FAM53A: variants seen among roughly 807,000 people sequenced by gnomAD.
The protein encoded by FAM53A is protein FAM53A.
Under a neutral mutation model 26.6 loss-of-function variants are expected in FAM53A, and 28 were observed. The observed-to-expected ratio is 1.05, with a 90% CI of 0.78 to 1.45. The LOEUF (loss-of-function observed/expected upper bound fraction) is 1.45. FAM53A is among the 40% of genes most tolerant of loss of function. FAM53A has a pLI of 0.00. For missense variants in FAM53A, 650 were observed against 575.8 expected, an observed-to-expected ratio of 1.13 and a Z score of -1.32; for synonymous variants, 290 against 253.1, an observed-to-expected ratio of 1.15 and a Z score of -1.38.
intron 1 of FAM53A, among the ~76,000 whole-genome samples, chr4:1,621,583 G>C (rs1338841220): frequency 6.6e-6 from 1 of 152,162 alleles, no homozygotes; most frequent in Non-Finnish European, 1.5e-5. Flanking sequence ...CTCCACAGCG[G>C]GGAGCGAAGA....
chr4:1,622,175 G>T (rs1046449195), intron 1 of FAM53A, among the ~76,000 whole-genome samples: 1 of 152,138 alleles, frequency 6.6e-6, no homozygotes. Context: ...ACCCAGACAC[G>T]GTGCCGTTAC....
Position 1,654,991 on chromosome 4 carries a change from AG to A in FAM53A, c.868del (p.Leu290Ter), listed in dbSNP as rs754661754. 20 of 1,521,076 alleles carry A rather than the reference AG, an allele frequency of 1.3e-5. 1 individual carries two copies. Among genetic ancestry groups the A allele is most frequent in the South Asian group, 7.8e-5 (6 of 77,238 alleles). 94.2% of individuals were successfully genotyped at this position (1,521,076 alleles called of 1,614,324 possible). On this transcript the variant is annotated frameshift_variant, in exon 4 of 5. Transcript: ENST00000308132. LOFTEE classifies it low-confidence loss of function (END_TRUNC). ...AGAAAGCCTCACCTGGGTCATTTTC[AG>A]GAAGTCCAAGGATGGGCGTGTCCAC... ...ARWTRPSLDFLKMTQTLKNSK... is the reference protein window; with the variant it reads ...ARWTRPSLDFXKMTQTLKNSK...
rs370895092 is a variant in FAM53A at position 1,655,430 on chromosome 4, C to A, written c.430G>T (p.Val144Phe). Residue 144 changes from valine to phenylalanine, a missense_variant, in exon 4 of 5, where the codon GTC (valine) becomes TTC (phenylalanine). By Grantham distance (50) the Val-to-Phe change is conservative (BLOSUM62 -1). Transcript: ENST00000308132. ...CGCCTCTTGGAGACTGGAGTCCAGA[C>A]CTTGGAGCTGCCGGGGCGCCAGGGG... Reference protein sequence around the residue: ...RSPWRPGSSKVWTPVSKRRCD... With the variant: ...RSPWRPGSSKFWTPVSKRRCD... 2.7e-5 allele frequency: 41 copies of A among 1,510,792 alleles called. 1 individual carries two copies. Among genetic ancestry groups the A allele is most frequent in the Non-Finnish European group, 3.5e-5 (40 of 1,129,994 alleles). 93.6% of individuals were successfully genotyped at this position (1,510,792 alleles called of 1,614,324 possible).
In FAM53A at chr4:1,655,441, C is replaced by A; in HGVS notation, c.419G>T (p.Gly140Val). 1 of 1,521,444 alleles carries A rather than the reference C, an allele frequency of 6.6e-7. No homozygotes were observed. Among genetic ancestry groups the A allele is most frequent in the Non-Finnish European group, 8.8e-7 (1 of 1,134,666 alleles). 94.2% of individuals were successfully genotyped at this position (1,521,444 alleles called of 1,614,324 possible). ...GACTGGAGTCCAGACCTTGGAGCTG[C>A]CGGGGCGCCAGGGGGACCGGCAGCG... ...LVRCRSPWRP[G>V]SSKVWTPVSK... is the part of the protein sequence containing the mutation. The change falls in exon 4 of 5, where the codon GGC becomes GTC. Residue 140 changes from glycine to valine, a missense_variant. Physicochemically the swap from Gly to Val is moderately radical, Grantham distance 109. Coordinates refer to ENST00000308132, the MANE Select transcript of FAM53A (RefSeq NM_001174070.3).
intron 1 of FAM53A, among the ~76,000 whole-genome samples, chr4:1,671,324 G>C (rs373646291): frequency 1.3e-4 from 18 of 141,302 alleles, no homozygotes; most frequent in Non-Finnish European, 1.9e-4. Flanking sequence ...CTCTGTCCCA[G>C]CGTCAGAGCC....
At chr4:1,607,416 C>A in the FAM53A span, among the ~76,000 whole-genome samples, 2 of 151,946 alleles carry the variant, frequency 1.3e-5, no homozygotes. Context: ...TACACAAAAG[C>A]AGTGAGACCT....
intron 1 of FAM53A, among the ~76,000 whole-genome samples, chr4:1,678,838 G>C (rs1214366110): frequency 6.6e-6 from 1 of 151,990 alleles, no homozygotes; most frequent in Non-Finnish European, 1.5e-5. Context: ...AAGACATGGA[G>C]TGTATGGACC....
At chr4:1,603,721 A>T in the FAM53A span, among the ~76,000 whole-genome samples, 3 of 152,168 alleles carry the variant, frequency 2.0e-5, no homozygotes, top group South Asian at 4.1e-4. Flanking sequence ...CAGCTTGAAG[A>T]GCCCCTCGGG....
Position 1,640,090 on chromosome 4 carries a change from T to TGGGTGCTGAC in FAM53A, c.*1193_*1202dup, listed in dbSNP as rs1711539115. 2.6e-5 allele frequency: 4 copies of TGGGTGCTGAC among 152,630 alleles called. No individual in the cohort carries two copies. Among genetic ancestry groups the TGGGTGCTGAC allele is most frequent in the African/African-American group, 9.7e-5 (4 of 41,422 alleles). 9.5% of individuals were successfully genotyped at this position (152,630 alleles called of 1,614,324 possible). A position where few individuals can be genotyped will look rare whatever the true frequency, so the allele number is the denominator to read the frequency against. ...AAGGCCTTGTATTAAATTCACAGAG[T>TGGGTGCTGAC]GGGTGCTGACGGGTGCTGCCGGCAG... On this transcript the variant is annotated 3_prime_UTR_variant, in exon 5 of 5. Transcript: ENST00000308132.
chr4:1,622,854 G>A (rs1458010914), intron 1 of FAM53A, among the ~76,000 whole-genome samples: 6 of 152,186 alleles, frequency 3.9e-5, no homozygotes, highest in African/African-American at 1.4e-4. Context: ...CTGCCTCGAG[G>A]GGCCCCTGCC....
chr4:1,589,865 C>T, the FAM53A span, among the ~76,000 whole-genome samples: 1 of 152,090 alleles, frequency 6.6e-6, no homozygotes, highest in Admixed American at 6.5e-5. Context: ...TCTTCTCTGA[C>T]TTTTTAATGT....
downstream of FAM53A, among the ~76,000 whole-genome samples, chr4:1,615,154 C>T (rs1469392804): frequency 1.3e-5 from 2 of 150,842 alleles, no homozygotes; most frequent in East Asian, 3.9e-4. Context: ...CACCTGGGTA[C>T]ACACGGAAGA....
chr4:1,601,233 C>CCGGGGGAGAT, the FAM53A span, among the ~76,000 whole-genome samples: 3 of 87,428 alleles, frequency 3.4e-5, no homozygotes, highest in African/African-American at 7.1e-5. Flanking sequence ...CGCAACAGGT[C>CCGGGGGAGAT]GGACACCCAC....
At chr4:1,685,783 C>T (rs756823481), upstream of FAM53A, among the ~76,000 whole-genome samples, 1 of 152,134 alleles carries the variant, frequency 6.6e-6, no homozygotes, top group Non-Finnish European at 1.5e-5. Flanking sequence ...GGCCAGGTTA[C>T]CCAAAGACAA....
chr4:1,684,524 C>T (rs1332512364), upstream of FAM53A, among the ~76,000 whole-genome samples: 2 of 151,432 alleles, frequency 1.3e-5, no homozygotes, highest in Non-Finnish European at 2.9e-5. Context: ...GGGTCTGGCC[C>T]CGCCCCCGGA....
At chr4:1,661,444 C>T (rs1713827032) in intron 2 of FAM53A, among the ~76,000 whole-genome samples, 1 of 152,152 alleles carries the variant, frequency 6.6e-6, no homozygotes, top group Non-Finnish European at 1.5e-5. Context: ...CACCATATTG[C>T]TAACCCAGCA....
chr4:1,644,639 C>T (rs372155429), intron 4 of FAM53A: 100 of 368,806 alleles, frequency 2.7e-4, no homozygotes, highest in African/African-American at 2.0e-3. Flanking sequence ...ATGGTCACTT[C>T]CATCTGAGGT....
At chr4:1,655,751 G>C (rs1007883561) in intron 3 of FAM53A, 28 bp from the exon 4 acceptor site, 9 of 1,511,158 alleles carry the variant, frequency 6.0e-6, no homozygotes, top group Non-Finnish European at 7.9e-6. Context: ...AAGAGGCAGG[G>C]GAAGAGACAG....
chr4:1,612,833 G>C, the FAM53A span, among the ~76,000 whole-genome samples: 1 of 152,174 alleles, frequency 6.6e-6, no homozygotes, highest in Non-Finnish European at 1.5e-5. Context: ...TCGGGCACGT[G>C]ATCACACACG....
Sources: gnomAD v4.1 joint callset for allele counts (sites outside exome capture counted in the v4.1 genomes callset) on GRCh38, gnomAD v4.1.1 for gene constraint, MANE v1.5 for transcripts, NCBI Gene and HGNC (gene_info 2026-07-23, HGNC 2026-07-21) for gene names.